The following LDLRAD3 variants were observed in gnomAD, a reference collection of about 807,000 sequenced individuals.
LDLRAD3 encodes the protein low density lipoprotein receptor class A domain containing 3.
In LDLRAD3, 20 loss-of-function variants were observed where a neutral mutation model predicts 29.4. The ratio of observed to expected loss-of-function variants is 0.68; its 90% CI spans 0.48 to 0.99. The LOEUF (loss-of-function observed/expected upper bound fraction) is 0.99. Ranked by LOEUF, LDLRAD3 falls within the 50% of genes least tolerant of loss-of-function variation. LDLRAD3 has a pLI of 0.00. For synonymous variants in LDLRAD3, 157 were observed against 192.7 expected, an observed-to-expected ratio of 0.81 and a Z score of 1.53; for missense variants, 420 against 454.3, an observed-to-expected ratio of 0.92 and a Z score of 0.69.
intron 4 of LDLRAD3, among the ~76,000 whole-genome samples, chr11:36,202,859 T>G (rs990233012): frequency 6.6e-6 from 1 of 152,190 alleles, no homozygotes; most frequent in African/African-American, 2.4e-5. Flanking sequence ...ATGGTGGCAC[T>G]GGCAGCAGCA....
intron 4 of LDLRAD3, among the ~76,000 whole-genome samples, chr11:36,209,353 C>CTTT (rs71044560): frequency 0.02 from 1,356 of 68,592 alleles, 74 homozygotes; most frequent in Non-Finnish European, 0.024. Flanking sequence ...AGAAACTGTA[C>CTTT]TTTTTTTTTT....
At chr11:36,105,892 A>G (rs1447192294) in intron 4 of LDLRAD3, among the ~76,000 whole-genome samples, 2 of 152,214 alleles carry the variant, frequency 1.3e-5, no homozygotes, top group Admixed American at 6.5e-5. Flanking sequence ...GAGAAGTCAC[A>G]CTTAAGCAAG....
intron 1 of LDLRAD3, among the ~76,000 whole-genome samples, chr11:36,031,180 A>G (rs1215242336): frequency 6.6e-6 from 1 of 152,148 alleles, no homozygotes; most frequent in Non-Finnish European, 1.5e-5. Flanking sequence ...AGCTTAATGA[A>G]AAAAAGAGAA....
rs529748823 is a variant in LDLRAD3, at chr11:36,146,412, T to C, written c.454+47951T>C. On this transcript the variant is annotated intron_variant, in intron 4 of 5. Coordinates refer to ENST00000315571, the MANE Select transcript of LDLRAD3 (RefSeq NM_174902.4). ...CCCATTGTCCATCCTTTTCATACCATATAATTGAGATTATCCTGTAAAGAG... is the reference window on the plus strand; with the variant it reads ...CCCATTGTCCATCCTTTTCATACCACATAATTGAGATTATCCTGTAAAGAG... 4.9e-4 allele frequency among the ~76,000 whole-genome samples: 74 copies of C among 152,360 alleles called. 1 individual carries two copies. Among genetic ancestry groups the C allele is most frequent in the South Asian group, 1.7e-3 (8 of 4,826 alleles).
intron 1 of LDLRAD3, among the ~76,000 whole-genome samples, chr11:35,960,609 A>C (rs376192156): frequency 6.6e-6 from 1 of 151,540 alleles, no homozygotes. Flanking sequence ...TTGTTTGTTT[A>C]TTTTTGAGAC....
At chr11:35,963,080 C>T (rs1590687813) in intron 1 of LDLRAD3, among the ~76,000 whole-genome samples, 1 of 152,116 alleles carries the variant, frequency 6.6e-6, no homozygotes, top group East Asian at 1.9e-4. Context: ...GAAGGCCAGG[C>T]CACAAGGACG....
chr11:36,007,529 A>G (rs1851900231), intron 1 of LDLRAD3, among the ~76,000 whole-genome samples: 1 of 152,204 alleles, frequency 6.6e-6, no homozygotes, highest in Non-Finnish European at 1.5e-5. Context: ...GAGGGAGGGA[A>G]GAGGCGAAGG....
chr11:36,137,811 G>A (rs944833001), intron 4 of LDLRAD3, among the ~76,000 whole-genome samples: 1 of 152,204 alleles, frequency 6.6e-6, no homozygotes, highest in African/African-American at 2.4e-5. Context: ...GCTCTTCCCT[G>A]CTGCAGAGAT....
chr11:36,036,254 G>C lies in LDLRAD3; in HGVS notation c.193+5G>C. 1 of 1,614,036 alleles carries C rather than the reference G, an allele frequency of 6.2e-7. No individual in the cohort carries two copies. The highest frequency in any genetic ancestry group is 8.5e-7 in the Non-Finnish European group (1 of 1,179,984). On this transcript the variant is annotated splice_donor_5th_base_variant and intron_variant, in intron 2 of 5. Transcript: ENST00000315571. ...AGAGTGATGAGAAGGAGTGCCGTGA[G>C]TGGCCTGGCCCTTTGCTGGGGTGGG...
rs1232536213 is a variant in LDLRAD3 at position 36,229,907 on chromosome 11, T to C, written c.*510T>C. On this transcript the variant is annotated 3_prime_UTR_variant, in exon 6 of 6. Transcript: ENST00000315571. Reference sequence around the variant, plus strand: ...CATCAAAACCTGCTTTGCACAATCCTATTTGATGCCCCCAGTTCAGCAGAG... The same window carrying C: ...CATCAAAACCTGCTTTGCACAATCCCATTTGATGCCCCCAGTTCAGCAGAG... 6.5e-6 allele frequency: 1 copy of C among 153,988 alleles called. No homozygotes were observed. Among genetic ancestry groups the C allele is most frequent in the Non-Finnish European group, 1.4e-5 (1 of 69,306 alleles). 9.5% of individuals were successfully genotyped at this position (153,988 alleles called of 1,614,324 possible). A position where few individuals can be genotyped will look rare whatever the true frequency, so the allele number is the denominator to read the frequency against.
At chr11:36,206,725 C>CTT (rs33957569) in intron 4 of LDLRAD3, among the ~76,000 whole-genome samples, 4 of 133,130 alleles carry the variant, frequency 3.0e-5, no homozygotes, top group Admixed American at 7.6e-5. Flanking sequence ...GTTGATTTTA[C>CTT]TTTTTTTTTT....
chr11:36,170,249 TATATATATAC>T (rs1201387254), intron 4 of LDLRAD3, among the ~76,000 whole-genome samples: 1 of 149,710 alleles, frequency 6.7e-6, no homozygotes, highest in Non-Finnish European at 1.5e-5. Context: ...TGTGTGTGTA[TATATATATAC>T]ACATATATAT....
At chr11:36,052,195 ATTGCAGTTAGT>A (rs1443207073) in intron 2 of LDLRAD3, among the ~76,000 whole-genome samples, 1 of 152,212 alleles carries the variant, frequency 6.6e-6, no homozygotes, top group Non-Finnish European at 1.5e-5. Flanking sequence ...AGGCAGATGC[ATTGCAGTTAGT>A]TTGGTGGCCT....
intron 1 of LDLRAD3, among the ~76,000 whole-genome samples, chr11:36,021,494 G>A (rs571338950): frequency 1.4e-4 from 21 of 152,304 alleles, no homozygotes; most frequent in Middle Eastern, 3.4e-3. Context: ...CAGCAGAATT[G>A]TGCCTAAGGA....
chr11:36,006,366 T>C (rs1311803332), intron 1 of LDLRAD3, among the ~76,000 whole-genome samples: 1 of 152,184 alleles, frequency 6.6e-6, no homozygotes, highest in African/African-American at 2.4e-5. Flanking sequence ...TCCTTAAGGG[T>C]GCAGTCAAGG....
chr11:36,179,999 A>T (rs942874499), intron 4 of LDLRAD3, among the ~76,000 whole-genome samples: 1 of 152,176 alleles, frequency 6.6e-6, no homozygotes, highest in African/African-American at 2.4e-5. Context: ...TGTCTCAAAA[A>T]AATAAATAAT....
chr11:35,993,618 A>T (rs1851715964), intron 1 of LDLRAD3, among the ~76,000 whole-genome samples: 1 of 151,488 alleles, frequency 6.6e-6, no homozygotes, highest in African/African-American at 2.4e-5. Flanking sequence ...TGGAATCAGT[A>T]TCAGATAATT....
At chr11:36,056,327 A>G (rs1008859908) in intron 2 of LDLRAD3, among the ~76,000 whole-genome samples, 6 of 152,130 alleles carry the variant, frequency 3.9e-5, no homozygotes, top group Middle Eastern at 3.2e-3. Context: ...TGAATTTTAT[A>G]TAATAGGCAC....
chr11:35,968,139 T>A, intron 1 of LDLRAD3: 1 of 443,910 alleles, frequency 2.3e-6, no homozygotes, highest in Non-Finnish European at 4.4e-6. Flanking sequence ...CCCTTGTTCT[T>A]CCTTGCCTTC....
Sources: allele counts gnomAD v4.1 joint callset (sites outside exome capture counted in the v4.1 genomes callset), GRCh38; gene constraint gnomAD v4.1.1; transcripts MANE v1.5; gene names NCBI Gene and HGNC (gene_info 2026-07-23, HGNC 2026-07-21).